MYO3B: variants seen among roughly 807,000 people sequenced by gnomAD.
MYO3B encodes myosin-IIIb.
Under a neutral mutation model 174.6 loss-of-function variants are expected in MYO3B, and 156 were observed. The observed-to-expected ratio is 0.89, with a 90% CI of 0.78 to 1.02. The LOEUF (loss-of-function observed/expected upper bound fraction) is 1.02, where lower values mean the gene tolerates loss of function less well. Ranked by LOEUF, MYO3B falls within the 50% of genes least tolerant of loss-of-function variation. The pLI is 0.00. For synonymous variants in MYO3B, 563 were observed against 569.1 expected, an observed-to-expected ratio of 0.99 and a Z score of 0.15; for missense variants, 1,632 against 1,639.4, an observed-to-expected ratio of 1.00 and a Z score of 0.08.
chr2:170,235,094 C>T lies in MYO3B; in HGVS notation c.604-897C>T, dbSNP rs193289519. On this transcript the variant is annotated intron_variant, in intron 6 of 34. Coordinates refer to ENST00000408978, the MANE Select transcript of MYO3B (RefSeq NM_138995.5). ...TCTATTACTCTGGTCTTCCTGTGCT[C>T]ACCATTATAGGTGTTGCCCCTCCCT... 1.4e-4 allele frequency among the ~76,000 whole-genome samples: 22 copies of T among 152,298 alleles called. No homozygotes were observed. The East Asian group carries it at 3.7e-3, about 25-fold the overall frequency.
intron 7 of MYO3B, among the ~76,000 whole-genome samples, chr2:170,274,699 A>G (rs1014132713): frequency 7.2e-5 from 11 of 152,210 alleles, no homozygotes; most frequent in African/African-American, 2.7e-4. Flanking sequence ...CCATGACTCT[A>G]TGTGCTTATC....
chr2:170,252,269 C>T (rs990373164), intron 7 of MYO3B, among the ~76,000 whole-genome samples: 1 of 152,110 alleles, frequency 6.6e-6, no homozygotes, highest in Non-Finnish European at 1.5e-5. Context: ...TGTATATCTA[C>T]AAGGAAATAG....
intron 25 of MYO3B, among the ~76,000 whole-genome samples, chr2:170,487,021 C>T (rs928043612): frequency 2.6e-5 from 4 of 152,186 alleles, no homozygotes; most frequent in Non-Finnish European, 4.4e-5. Flanking sequence ...TATAGACTCC[C>T]AAGGTCCAGC....
At chr2:170,334,803 A>C (rs2093936099) in intron 7 of MYO3B, 1 of 151,942 alleles carries the variant, frequency 6.6e-6, no homozygotes, top group African/African-American at 2.4e-5. Flanking sequence ...TAGGTATGGT[A>C]TATGTCTGTC....
intron 6 of MYO3B, among the ~76,000 whole-genome samples, chr2:170,227,537 G>A (rs1469645558): frequency 6.6e-6 from 1 of 152,110 alleles, no homozygotes; most frequent in Admixed American, 6.6e-5. Flanking sequence ...CACCTGTTTT[G>A]GCCTCTCAAA....
At chr2:170,239,893 A>G (rs1300850863) in intron 7 of MYO3B, among the ~76,000 whole-genome samples, 2 of 152,170 alleles carry the variant, frequency 1.3e-5, no homozygotes, top group Non-Finnish European at 2.9e-5. Flanking sequence ...GAAGCCCCAC[A>G]TCAGCGGGTC....
intron 8 of MYO3B, among the ~76,000 whole-genome samples, chr2:170,348,997 A>G (rs983251787): frequency 2.0e-5 from 3 of 152,166 alleles, no homozygotes; most frequent in Admixed American, 6.5e-5. Flanking sequence ...ATTATCCTGC[A>G]CAAAACAGTC....
At position 170,653,129 on chromosome 2, in the gene MYO3B, T is replaced by C. The variant is rs1371192502; in HGVS notation, c.*8T>C. On this transcript the variant is annotated 3_prime_UTR_variant, in exon 35 of 35. Coordinates refer to ENST00000408978, the MANE Select transcript of MYO3B (RefSeq NM_138995.5). ...TCTTTTGCTCAACATTAAATTGTGC[T>C]TCCTAACCCTAAATCTGTCCAGAGT... 1.9e-6 allele frequency: 3 copies of C among 1,614,122 alleles called. No homozygotes were observed. The highest frequency in any genetic ancestry group is 2.2e-5 in the South Asian group (2 of 91,076).
intron 30 of MYO3B, among the ~76,000 whole-genome samples, chr2:170,540,684 G>A (rs111899985): frequency 2.7e-5 from 4 of 149,096 alleles, no homozygotes; most frequent in Admixed American, 2.0e-4. Flanking sequence ...CAAAAAAACA[G>A]CAACAACAAC....
chr2:170,487,956 A>G (rs1686172582), intron 25 of MYO3B, among the ~76,000 whole-genome samples: 1 of 152,248 alleles, frequency 6.6e-6, no homozygotes, highest in Admixed American at 6.5e-5. Context: ...AAAAAAATAG[A>G]GAAATAAAAT....
intron 27 of MYO3B, among the ~76,000 whole-genome samples, chr2:170,500,917 A>G (rs1348011038): frequency 6.7e-6 from 1 of 148,350 alleles, no homozygotes; most frequent in African/African-American, 2.5e-5. Context: ...TGTTACACAC[A>G]ACATTTAAGT....
chr2:170,191,382 C>T (rs1319905498), intron 1 of MYO3B, among the ~76,000 whole-genome samples: 3 of 152,032 alleles, frequency 2.0e-5, no homozygotes, highest in Admixed American at 6.6e-5. Context: ...GCTTTGAGCC[C>T]AGCACAGCGT....
chr2:170,641,379 T>C (rs1216940448), intron 32 of MYO3B: 1 of 152,222 alleles, frequency 6.6e-6, no homozygotes, highest in Non-Finnish European at 1.5e-5. Flanking sequence ...CTGCACAATT[T>C]CTGGATGGCG....
intron 32 of MYO3B, among the ~76,000 whole-genome samples, chr2:170,596,608 G>A (rs569475171): frequency 6.6e-6 from 1 of 152,256 alleles, no homozygotes; most frequent in East Asian, 1.9e-4. Flanking sequence ...GTTTATAGGG[G>A]GAAGAACAAC....
At chr2:170,205,286 C>A (rs952429486) in intron 3 of MYO3B, among the ~76,000 whole-genome samples, 4 of 152,048 alleles carry the variant, frequency 2.6e-5, no homozygotes, top group South Asian at 2.1e-4. Flanking sequence ...GCTGAAGAGG[C>A]CTTTGTTGCA....
chr2:170,295,181 A>G (rs6751051), intron 7 of MYO3B, among the ~76,000 whole-genome samples: 30,183 of 151,730 alleles, frequency 0.2, 3,960 homozygotes, highest in African/African-American at 0.34. Context: ...CTTCAAGTGT[A>G]TCTTGTAAAT....
At chr2:170,445,515 A>T (rs11695701) in intron 23 of MYO3B, among the ~76,000 whole-genome samples, 42,405 of 151,842 alleles carry the variant, frequency 0.28, 6,195 homozygotes, top group Admixed American at 0.37. Context: ...CTAATTTTGT[A>T]TTTTTAGTAG....
chr2:170,598,191 A>T (rs970808643), intron 32 of MYO3B, among the ~76,000 whole-genome samples: 8 of 152,094 alleles, frequency 5.3e-5, no homozygotes, highest in African/African-American at 1.9e-4. Flanking sequence ...GCAATGAATC[A>T]CTCTATTGGA....
chr2:170,276,509 G>A (rs543438376), intron 7 of MYO3B, among the ~76,000 whole-genome samples: 2 of 152,054 alleles, frequency 1.3e-5, no homozygotes, highest in South Asian at 2.1e-4. Context: ...TAGCCTAACC[G>A]TCCTGCCATC....
Sources: allele counts gnomAD v4.1 joint callset (sites outside exome capture counted in the v4.1 genomes callset), GRCh38; gene constraint gnomAD v4.1.1; transcripts MANE v1.5; gene names NCBI Gene and HGNC (gene_info 2026-07-23, HGNC 2026-07-21).